Variants in COG3 observed in about 807,000 individuals in gnomAD.
COG3 encodes the protein component of oligomeric golgi complex 3.
Under a neutral mutation model 114.1 loss-of-function variants are expected in COG3, and 32 were observed. The ratio of observed to expected loss-of-function variants is 0.28; its 90% confidence interval spans 0.21 to 0.38. The LOEUF (loss-of-function observed/expected upper bound fraction) is 0.38, where lower values mean the gene tolerates loss of function less well. Among genes scored for constraint, COG3 ranks in the 10% least tolerant of loss-of-function variants. The pLI is 1.00. For missense variants in COG3, 813 were observed against 973.2 expected (o/e 0.84, Z 2.19); for synonymous variants, 352 against 365.7 (o/e 0.96, Z 0.43).
At chr13:45,531,896 C>G (rs184937609) in intron 22 of COG3, 5 of 152,126 alleles carry the variant, frequency 3.3e-5, no homozygotes, top group Non-Finnish European at 5.9e-5. Context: ...TTGAGATGTT[C>G]ATATACTATA....
chr13:45,520,119 C>T (rs530971746), intron 19 of COG3, among the ~76,000 whole-genome samples: 8 of 151,758 alleles, frequency 5.3e-5, no homozygotes, highest in Non-Finnish European at 8.8e-5. Flanking sequence ...GAGACCTAGT[C>T]GCTACAAAAA....
chr13:45,504,247 C>T (rs1221898330), intron 14 of COG3, among the ~76,000 whole-genome samples: 8 of 152,194 alleles, frequency 5.3e-5, no homozygotes, highest in Admixed American at 4.6e-4. Context: ...ACACTAAATC[C>T]AGACTGTCAA....
intron 8 of COG3, among the ~76,000 whole-genome samples, chr13:45,488,834 AAAT>A (rs1886833103): frequency 6.6e-6 from 1 of 151,858 alleles, no homozygotes; most frequent in African/African-American, 2.4e-5. Context: ...AAGTTTCTAG[AAAT>A]AATAATCTAC....
In COG3 at chr13:45,529,790, G is replaced by A; in HGVS notation, c.2231-1G>A. 1.2e-6 allele frequency: 2 copies of A among 1,602,754 alleles called. No individual in the cohort carries two copies. Among genetic ancestry groups the A allele is most frequent in the South Asian group, 1.1e-5 (1 of 88,936 alleles). On this transcript the variant is annotated splice_acceptor_variant, in intron 20 of 22. Coordinates refer to ENST00000349995, the MANE Select transcript of COG3 (RefSeq NM_031431.4). LOFTEE classifies it high-confidence loss of function. ...CACTAATGAGGTTACTTTATTTCCA[G>A]CAAAGGTCAATGACCTTGCGGCAAC...
chr13:45,530,496 A>T (rs1190591753), intron 21 of COG3, among the ~76,000 whole-genome samples, 186 bp from the exon 22 acceptor site: 1 of 152,234 alleles, frequency 6.6e-6, no homozygotes, highest in Non-Finnish European at 1.5e-5. Flanking sequence ...GGGAAGCATT[A>T]TCTGATAAGT....
Position 45,503,282 on chromosome 13 carries a change from A to G in COG3, c.1527A>G (p.Val509=), listed in dbSNP as rs1869747567. The G allele has an allele frequency of 6.2e-7, 1 of 1,605,630 alleles. No homozygotes were observed. The highest frequency in any genetic ancestry group is 8.5e-7 in the Non-Finnish European group (1 of 1,172,506). Residue 509 remains valine (V), a synonymous_variant, in exon 14 of 23, where the codon GTA becomes GTG. Transcript: ENST00000349995. ...GTTTGAAAGATGAACAGAAGAAGGT[A>G]CCTTCAGAAGCTTCATTTTCAGATG... ...AQSLKDEQKK[V]PSEASFSDVH...
At position 45,536,595 on chromosome 13, in the gene COG3, A is replaced by AT. The variant is rs1566279339; in HGVS notation, c.*1870dup. ...AAATTGCTGTTTTTAATAAATGTGA[A>AT]TTTTTTAAAAATAAAGATTTTTGCT... On this transcript the variant is annotated 3_prime_UTR_variant, in exon 23 of 23. Transcript: ENST00000349995. The AT allele has an allele frequency of 1.3e-5, 2 of 152,200 alleles. No individual in the cohort carries two copies. Among genetic ancestry groups the AT allele is most frequent in the African/African-American group, 4.8e-5 (2 of 41,448 alleles). 9.4% of individuals were successfully genotyped at this position (152,200 alleles called of 1,614,324 possible). A position where few individuals can be genotyped will look rare whatever the true frequency, so the allele number is the denominator to read the frequency against.
chr13:45,533,398 T>G (rs1355745171), intron 22 of COG3, among the ~76,000 whole-genome samples: 1 of 152,164 alleles, frequency 6.6e-6, no homozygotes, highest in Admixed American at 6.5e-5. Context: ...TACCCCATTT[T>G]CATTTTGCCC....
In COG3 at chr13:45,480,081, G is replaced by A. The variant is rs190573653; in HGVS notation, c.384-44G>A. 5 of 1,510,346 alleles carry A rather than the reference G, an allele frequency of 3.3e-6. No individual in the cohort carries two copies. The East Asian group carries it at 9.2e-5, about 28-fold the overall frequency. The allele number at this position is 1,510,346 out of a possible 1,614,324, so 93.6% of individuals were successfully genotyped here. A position where few individuals can be genotyped will look rare whatever the true frequency, so the allele number is the denominator to read the frequency against. On this transcript the variant is annotated intron_variant, in intron 3 of 22. Transcript: ENST00000349995. ...TGTTGTTTTTTTACTGTGCTTATTG[G>A]GGGAAAAGATTATTGCCAATCCCCT...
intron 14 of COG3, 53 bp from the exon 15 acceptor site, chr13:45,509,639 A>T: frequency 3.8e-6 from 6 of 1,596,896 alleles, no homozygotes; most frequent in Non-Finnish European, 5.1e-6. Context: ...AAATTATTGT[A>T]AGACAAATAT....
Position 45,496,331 on chromosome 13 carries a change from A to G in COG3, c.1488+19A>G. 6.5e-7 allele frequency: 1 copy of G among 1,533,588 alleles called. No homozygotes were observed. Among genetic ancestry groups the G allele is most frequent in the Non-Finnish European group, 8.8e-7 (1 of 1,137,742 alleles). The allele number at this position is 1,533,588 out of a possible 1,614,324, so 95.0% of individuals were successfully genotyped here. A position where few individuals can be genotyped will look rare whatever the true frequency, so the allele number is the denominator to read the frequency against. ...GATGGAGGTAGGATCTCCTTACTTG[A>G]TCTCCCGTCTGCCCCCACACAGCTT... On this transcript the variant is annotated intron_variant, in intron 13 of 22. Transcript: ENST00000349995.
intron 2 of COG3, among the ~76,000 whole-genome samples, chr13:45,478,137 CTG>C (rs907361445): frequency 8.6e-5 from 13 of 151,600 alleles, no homozygotes; most frequent in Non-Finnish European, 4.4e-5. Context: ...CTTAATTTGA[CTG>C]TGAAAATGGT....
At chr13:45,495,843 T>C (rs1183246231) in intron 12 of COG3, among the ~76,000 whole-genome samples, 4 of 152,216 alleles carry the variant, frequency 2.6e-5, no homozygotes, top group Non-Finnish European at 5.9e-5. Flanking sequence ...CTTAGCAATT[T>C]CTTAGGCTTG....
Position 45,479,085 on chromosome 13 carries a change from T to C in COG3, c.383+19T>C. The C allele has an allele frequency of 6.4e-7, 1 of 1,551,768 alleles. No individual in the cohort carries two copies. Reference sequence around the variant, plus strand: ...AATATAGGTATGTGTGTCTCTTGCATTTGTTGAATATCTTAATTTTTAGAT... The same window carrying C: ...AATATAGGTATGTGTGTCTCTTGCACTTGTTGAATATCTTAATTTTTAGAT... On this transcript the variant is annotated intron_variant, in intron 3 of 22. Coordinates refer to ENST00000349995, the MANE Select transcript of COG3 (RefSeq NM_031431.4).
At position 45,535,984 on chromosome 13, in the gene COG3, AT is replaced by A; in HGVS notation, c.*1255del. On this transcript the variant is annotated 3_prime_UTR_variant, in exon 23 of 23. Transcript: ENST00000349995. ...TTGGTGCAGTGGGTGCCTGTAACTCATTAGACGTACTGAGGCAGCACTTCTG... is the reference window on the plus strand; with the variant it reads ...TTGGTGCAGTGGGTGCCTGTAACTCATAGACGTACTGAGGCAGCACTTCTG... 2.1e-6 allele frequency: 1 copy of A among 482,366 alleles called. No homozygotes were observed. Among genetic ancestry groups the A allele is most frequent in the Non-Finnish European group, 2.7e-6 (1 of 368,540 alleles). 29.9% of individuals were successfully genotyped at this position (482,366 alleles called of 1,614,324 possible). A position where few individuals can be genotyped will look rare whatever the true frequency, so the allele number is the denominator to read the frequency against.
At chr13:45,522,018 T>G (rs1872210382) in intron 19 of COG3, among the ~76,000 whole-genome samples, 1 of 152,154 alleles carries the variant, frequency 6.6e-6, no homozygotes, top group African/African-American at 2.4e-5. Context: ...TTGACCAGGC[T>G]GGTCTCAAAC....
chr13:45,496,140 C>G lies in COG3; in HGVS notation c.1328-12C>G. ...AAATCTAAAAGAATGGATGATTGCA[C>G]TTTTTTATCAGCTGAGCAACTGGGG... is the stretch of plus-strand genomic sequence containing the variant. On this transcript the variant is annotated splice_polypyrimidine_tract_variant and intron_variant, in intron 12 of 22. Transcript: ENST00000349995. The G allele has an allele frequency of 6.2e-7, 1 of 1,601,038 alleles. No homozygotes were observed. The highest frequency in any genetic ancestry group is 8.5e-7 in the Non-Finnish European group (1 of 1,172,856).
At chr13:45,505,814 T>C (rs147678547) in intron 14 of COG3, among the ~76,000 whole-genome samples, 4,722 of 151,952 alleles carry the variant, frequency 0.031, 102 homozygotes, top group Non-Finnish European at 0.048. Flanking sequence ...GGATGGGTCT[T>C]GAACTCCTGG....
Position 45,532,706 on chromosome 13 carries a change from A to G in COG3, c.2457+1926A>G, listed in dbSNP as rs543477451. On this transcript the variant is annotated intron_variant, in intron 22 of 22. Transcript: ENST00000349995. ...TGCCTCAGCCTCCCAAGTAGCTGGG[A>G]CTACAGGCCCCGCCAATTTTTTTTA... Among the ~76,000 whole-genome samples, 3 of 151,480 alleles carry G rather than the reference A, an allele frequency of 2.0e-5. No individual in the cohort carries two copies. In the South Asian group the frequency reaches 6.3e-4, roughly 32 times the overall value.
Sources: gnomAD v4.1 joint callset for allele counts (sites outside exome capture counted in the v4.1 genomes callset) on GRCh38, gnomAD v4.1.1 for gene constraint, MANE v1.5 for transcripts, NCBI Gene and HGNC (gene_info 2026-07-23, HGNC 2026-07-21) for gene names.